Variants in ADGRV1 observed in about 807,000 individuals in gnomAD.
ADGRV1 encodes adhesion G protein-coupled receptor V1.
ADGRV1 carries 359 observed loss-of-function variants against 596.2 expected under a neutral mutation model. The ratio of observed to expected loss-of-function variants is 0.60; its 90% CI spans 0.55 to 0.66. The LOEUF is 0.66. Among genes scored for constraint, ADGRV1 ranks in the 30% least tolerant of loss-of-function variants. The pLI, the probability that ADGRV1 is intolerant of heterozygous loss-of-function variation, is 0.00. For missense variants in ADGRV1, 7,274 were observed against 7,575.6 expected (o/e 0.96, Z 1.48); for synonymous variants, 2,681 against 2,679.2 (o/e 1.00, Z -0.02).
At chr5:90,873,114 G>C (rs974335926) in intron 83 of ADGRV1, among the ~76,000 whole-genome samples, 3 of 152,154 alleles carry the variant, frequency 2.0e-5, no homozygotes, top group Admixed American at 2.0e-4. Flanking sequence ...GCTCCCAAGG[G>C]AAGAAACTGT....
intron 83 of ADGRV1, among the ~76,000 whole-genome samples, chr5:90,942,478 G>C (rs12188655): frequency 0.23 from 34,716 of 152,030 alleles, 4,557 homozygotes; most frequent in Non-Finnish European, 0.3. Flanking sequence ...AGTGGGTTCT[G>C]AGTTTGAGAC....
intron 83 of ADGRV1, among the ~76,000 whole-genome samples, chr5:90,913,945 T>TA (rs1414069061): frequency 2.6e-5 from 4 of 152,186 alleles, no homozygotes; most frequent in Admixed American, 6.5e-5. Flanking sequence ...TTCACCATGA[T>TA]ATGAATTTTA....
chr5:90,627,532 G>C lies in ADGRV1; in HGVS notation c.994G>C (p.Val332Leu). The C allele has an allele frequency of 6.2e-7, 1 of 1,613,854 alleles. No individual in the cohort carries two copies. Among genetic ancestry groups the C allele is most frequent in the Non-Finnish European group, 8.5e-7 (1 of 1,179,798 alleles). ...TGATCTTCAGCCAAACACAACTGTTGTTTTTCCACCTTTTATTCATGAATC... is the reference window on the plus strand; with the variant it reads ...TGATCTTCAGCCAAACACAACTGTTCTTTTTCCACCTTTTATTCATGAATC... ...FIDLQPNTTVVFPPFIHESHL... is the reference protein window; with the variant it reads ...FIDLQPNTTVLFPPFIHESHL... Residue 332 changes from valine (V) to leucine (L), a missense_variant, in exon 7 of 90, where the codon GTT (valine) becomes CTT (leucine). Val to Leu is a conservative substitution (Grantham distance 32). Coordinates refer to ENST00000405460, the MANE Select transcript of ADGRV1 (RefSeq NM_032119.4).
At chr5:90,666,571 C>T (rs1383181574) in intron 21 of ADGRV1, among the ~76,000 whole-genome samples, 1 of 123,364 alleles carries the variant, frequency 8.1e-6, no homozygotes, top group Non-Finnish European at 1.7e-5. Context: ...TCCAATTTGC[C>T]AGTCTGTGTC....
Position 90,676,227 on chromosome 5 carries a change from A to G in ADGRV1, c.5443+18A>G. On this transcript the variant is annotated intron_variant, in intron 25 of 89. Coordinates refer to ENST00000405460, the MANE Select transcript of ADGRV1 (RefSeq NM_032119.4). ...AGGAGGAGGTAAGGCTGGTGATTCAAAAATGTTAAATATTTGCTTGTCTAC... is the reference window on the plus strand; with the variant it reads ...AGGAGGAGGTAAGGCTGGTGATTCAGAAATGTTAAATATTTGCTTGTCTAC... 8 of 1,591,234 alleles carry G rather than the reference A, an allele frequency of 5.0e-6. No individual in the cohort carries two copies. Among genetic ancestry groups the G allele is most frequent in the Non-Finnish European group, 6.8e-6 (8 of 1,171,070 alleles).
intron 8 of ADGRV1, 73 bp from the exon 9 acceptor site, chr5:90,629,137 C>A: frequency 1.3e-6 from 1 of 773,046 alleles, no homozygotes; most frequent in Non-Finnish European, 1.9e-6. Flanking sequence ...ATTAGAATAA[C>A]ATGGAAAATA....
chr5:90,982,436 T>A (rs568233119), intron 84 of ADGRV1, among the ~76,000 whole-genome samples: 2 of 152,220 alleles, frequency 1.3e-5, no homozygotes, highest in Non-Finnish European at 2.9e-5. Flanking sequence ...TTAACACCAC[T>A]GCTTTGGGAA....
rs1049619408 is a variant in ADGRV1, at chr5:90,676,155, A to G, written c.5389A>G (p.Ile1797Val). ...TTTCATAAACATCACTGATAATTCT[A>G]TTCCTGAACTGGAAAAATCTTTTAA... Reference protein sequence around the residue: ...YIFINITDNSIPELEKSFKVE... With the variant: ...YIFINITDNSVPELEKSFKVE... Residue 1797 changes from isoleucine to valine, a missense_variant, in exon 25 of 90, where the codon ATT becomes GTT. By Grantham distance (29) the Ile-to-Val change is conservative. This residue lies in a region of ADGRV1 where 3,643 missense variants were observed against 3,809.2 expected (regional missense o/e 0.96). Coordinates refer to ENST00000405460, the MANE Select transcript of ADGRV1 (RefSeq NM_032119.4). 3 of 1,607,842 alleles carry G rather than the reference A, an allele frequency of 1.9e-6. No homozygotes were observed. Among genetic ancestry groups the G allele is most frequent in the Non-Finnish European group, 2.5e-6 (3 of 1,176,654 alleles).
At chr5:90,801,031 G>T (rs1454541656) in intron 70 of ADGRV1, among the ~76,000 whole-genome samples, 1 of 151,842 alleles carries the variant, frequency 6.6e-6, no homozygotes, top group African/African-American at 2.4e-5. Context: ...TAACAAAACT[G>T]CATATTCTGC....
chr5:90,604,497 G>A (rs910741053), intron 1 of ADGRV1, among the ~76,000 whole-genome samples: 1 of 152,160 alleles, frequency 6.6e-6, no homozygotes, highest in Non-Finnish European at 1.5e-5. Context: ...AATTAAAGTT[G>A]TTTTCAGTGA....
At chr5:90,599,782 A>G (rs1761177546) in intron 1 of ADGRV1, among the ~76,000 whole-genome samples, 2 of 152,192 alleles carry the variant, frequency 1.3e-5, no homozygotes, top group Non-Finnish European at 2.9e-5. Flanking sequence ...ATAATACTGT[A>G]AAGTCATTGG....
Position 90,653,468 on chromosome 5 carries a change from A to G in ADGRV1, c.3894A>G (p.Pro1298=), listed in dbSNP as rs2149466918. The G allele has an allele frequency of 1.2e-6, 2 of 1,613,936 alleles. No individual in the cohort carries two copies. Among genetic ancestry groups the G allele is most frequent in the East Asian group, 4.5e-5 (2 of 44,874 alleles). Residue 1298 remains proline, a synonymous_variant, in exon 20 of 90, where the codon CCA becomes CCG. Transcript: ENST00000405460. The stretch of plus-strand genomic sequence containing the variant: ...GTGAGTTCCCTGCTGGTTTGCCACC[A>G]ATGATAGATTTTTTACTGGTTGGAA... ...LSSEFPAGLP[P]MIDFLLVGIF...
At chr5:90,595,665 A>ACC (rs1242970392) in intron 1 of ADGRV1, among the ~76,000 whole-genome samples, 1 of 98,326 alleles carries the variant, frequency 1.0e-5, no homozygotes, top group Non-Finnish European at 2.0e-5. Context: ...CGGGGAACTG[A>ACC]CCCCCCCACC....
In ADGRV1 at chr5:90,851,134, T is replaced by TGTGTGTGTGA. The variant is rs757909771; in HGVS notation, c.17205-2149_17205-2148insTGTGTGTGAG. Among the ~76,000 whole-genome samples, 259 of 81,500 alleles carry TGTGTGTGTGA rather than the reference T, an allele frequency of 3.2e-3. 3 individuals are homozygous for TGTGTGTGTGA. Among genetic ancestry groups the TGTGTGTGTGA allele is most frequent in the Admixed American group, 4.1e-3 (22 of 5,398 alleles). The allele number at this position is 81,500 out of a possible 152,430, so 53.5% of individuals were successfully genotyped here. ...GTGTGTGTGTGTGTGTGTGTGTGTG[T>TGTGTGTGTGA]GAGAGAGAGAGAGAGAGAGAGAGAG... On this transcript the variant is annotated intron_variant, in intron 79 of 89. Transcript: ENST00000405460.
chr5:91,132,920 C>T (rs1441905197), intron 87 of ADGRV1, among the ~76,000 whole-genome samples: 5 of 152,100 alleles, frequency 3.3e-5, no homozygotes, highest in African/African-American at 9.7e-5. Context: ...TCAGGTCATG[C>T]AGAGGCCTGT....
chr5:90,962,127 T>G (rs904734369), intron 83 of ADGRV1, among the ~76,000 whole-genome samples: 1 of 152,228 alleles, frequency 6.6e-6, no homozygotes, highest in African/African-American at 2.4e-5. Flanking sequence ...AACATGTTAA[T>G]TATCCTATAG....
chr5:90,642,775 A>G lies in ADGRV1; in HGVS notation c.2367+13A>G. On this transcript the variant is annotated intron_variant, in intron 12 of 89. Coordinates refer to ENST00000405460, the MANE Select transcript of ADGRV1 (RefSeq NM_032119.4). ...CTATGTTATAAAAGTAAGTACGAAA[A>G]AAACTTCCATTTATTCTGTGCTCAC... The G allele has an allele frequency of 6.2e-7, 1 of 1,608,568 alleles. No individual in the cohort carries two copies. The highest frequency in any genetic ancestry group is 8.5e-7 in the Non-Finnish European group (1 of 1,178,270).
intron 84 of ADGRV1, among the ~76,000 whole-genome samples, chr5:90,968,112 T>C (rs1778640176): frequency 6.6e-6 from 1 of 152,172 alleles, no homozygotes. Context: ...GTGATGGCTG[T>C]CTACAAATAC....
Position 90,614,901 on chromosome 5 carries a change from A to C in ADGRV1, c.89A>C (p.Glu30Ala). 1 of 1,608,702 alleles carries C rather than the reference A, an allele frequency of 6.2e-7. No individual in the cohort carries two copies. The highest frequency in any genetic ancestry group is 8.5e-7 in the Non-Finnish European group (1 of 1,176,858). The change falls in exon 2 of 90, where the codon GAA becomes GCA. Residue 30 changes from glutamate (E) to alanine (A), a missense_variant. Glu to Ala is a moderately radical substitution (Grantham distance 107). This residue lies in a region of ADGRV1 where 1,715 missense variants were observed against 1,708.8 expected (regional missense o/e 1.00). Coordinates refer to ENST00000405460, the MANE Select transcript of ADGRV1 (RefSeq NM_032119.4). Reference protein sequence around the residue: ...SALLILFVFGETEIRFTGQTE... With the variant: ...SALLILFVFGATEIRFTGQTE... ...TTACTCATCCTATTTGTGTTTGGAGAAACAGAAATAAGATTTACTGGACAA... is the reference window on the plus strand; with the variant it reads ...TTACTCATCCTATTTGTGTTTGGAGCAACAGAAATAAGATTTACTGGACAA...
Sources: allele counts gnomAD v4.1 joint callset (sites outside exome capture counted in the v4.1 genomes callset), GRCh38; gene constraint gnomAD v4.1.1; regional missense constraint gnomAD v4.1.1; transcripts MANE v1.5; gene names NCBI Gene and HGNC (gene_info 2026-07-23, HGNC 2026-07-21).